Variants in BTNL8 observed in about 807,000 individuals in gnomAD.
BTNL8 encodes butyrophilin-like protein 8.
Under a neutral mutation model 36.1 loss-of-function variants are expected in BTNL8, and 22 were observed. The ratio of observed to expected loss-of-function variants is 0.61; its 90% confidence interval spans 0.44 to 0.87. The LOEUF is 0.87. Among genes scored for constraint, BTNL8 ranks in the 40% least tolerant of loss-of-function variants. BTNL8 has a pLI of 0.00. For synonymous variants in BTNL8, 203 were observed against 235.6 expected (o/e 0.86, Z 1.27); for missense variants, 526 against 616.9 (o/e 0.85, Z 1.56).
Position 180,950,562 on chromosome 5 carries a change from ATTC to A in BTNL8, c.*24_*26del. The A allele has an allele frequency of 6.9e-7, 1 of 1,458,618 alleles. No individual in the cohort carries two copies. Among genetic ancestry groups the A allele is most frequent in the Non-Finnish European group, 9.5e-7 (1 of 1,058,102 alleles). The allele number at this position is 1,458,618 out of a possible 1,614,324, so 90.4% of individuals were successfully genotyped here. A position where few individuals can be genotyped will look rare whatever the true frequency, so the allele number is the denominator to read the frequency against. On this transcript the variant is annotated 3_prime_UTR_variant, in exon 8 of 8. Transcript: ENST00000340184. ...AAATGTAGGATGAATCACATCCCAC[ATTC>A]TTCTTTAGGGATATTAAGGTCTCTC...
intron 3 of BTNL8, among the ~76,000 whole-genome samples, chr5:180,939,421 A>C (rs1368316158): frequency 1.3e-5 from 2 of 152,214 alleles, no homozygotes; most frequent in African/African-American, 4.8e-5. Context: ...ATATTAGATA[A>C]GATAGATTTT....
At chr5:180,900,647 AACCTG>A (rs1388133413) in intron 1 of BTNL8, among the ~76,000 whole-genome samples, 3 of 152,192 alleles carry the variant, frequency 2.0e-5, no homozygotes, top group African/African-American at 7.2e-5. Flanking sequence ...TGGGTCCCCA[AACCTG>A]ACCTAAGACA....
At chr5:180,932,664 T>C (rs1758451875) in intron 3 of BTNL8, among the ~76,000 whole-genome samples, 1 of 152,130 alleles carries the variant, frequency 6.6e-6, no homozygotes, top group African/African-American at 2.4e-5. Flanking sequence ...TAAGTATAAT[T>C]TTTAAAAAGC....
chr5:180,941,469 C>CA (rs1213207330), intron 3 of BTNL8, among the ~76,000 whole-genome samples: 1 of 152,040 alleles, frequency 6.6e-6, no homozygotes, highest in African/African-American at 2.4e-5. Context: ...ATCCTGATGC[C>CA]AAAATCAGAA....
chr5:180,926,792 G>A (rs1436144949), intron 3 of BTNL8, among the ~76,000 whole-genome samples: 1 of 152,194 alleles, frequency 6.6e-6, no homozygotes, highest in Non-Finnish European at 1.5e-5. Context: ...TCTGGGCAGG[G>A]CATCTCTGAA....
At chr5:180,902,986 C>T (rs1201764092) in intron 1 of BTNL8, among the ~76,000 whole-genome samples, 4 of 118,146 alleles carry the variant, frequency 3.4e-5, no homozygotes, top group Middle Eastern at 3.5e-3. Flanking sequence ...AATAAACATA[C>T]GTGTGCATGT....
chr5:180,947,456 T>A, intron 3 of BTNL8, 56 bp from the exon 4 acceptor site: 1 of 1,592,156 alleles, frequency 6.3e-7, no homozygotes, highest in Non-Finnish European at 8.6e-7. Context: ...TAAAGAAGAA[T>A]TGAATTGTGT....
rs1231045082 is a variant in BTNL8 at position 180,909,655 on chromosome 5, G to A, written c.397+722G>A. The A allele has an allele frequency of 1.3e-5, 12 of 914,810 alleles. No homozygotes were observed. In the African/African-American group the frequency reaches 2.0e-4, roughly 15 times the overall value. 56.7% of individuals were successfully genotyped at this position (914,810 alleles called of 1,614,324 possible). ...AACACCTTGAGAGGCTGAGACAGGAGGATTGCTTGAGTCCAGGAGCTCGAG... is the reference window on the plus strand; with the variant it reads ...AACACCTTGAGAGGCTGAGACAGGAAGATTGCTTGAGTCCAGGAGCTCGAG... On this transcript the variant is annotated intron_variant, in intron 2 of 7. Transcript: ENST00000340184.
chr5:180,929,702 T>C (rs552021273), intron 3 of BTNL8, among the ~76,000 whole-genome samples: 1 of 152,254 alleles, frequency 6.6e-6, no homozygotes, highest in East Asian at 1.9e-4. Flanking sequence ...ACAAATAAAC[T>C]AGAAAATCTA....
intron 3 of BTNL8, among the ~76,000 whole-genome samples, chr5:180,912,887 G>A (rs1340373887): frequency 6.6e-6 from 1 of 152,058 alleles, no homozygotes; most frequent in Non-Finnish European, 1.5e-5. Flanking sequence ...GAAAAAGTGA[G>A]GAAAGTGATG....
chr5:180,914,650 C>T (rs1757543584), intron 3 of BTNL8, among the ~76,000 whole-genome samples: 1 of 152,184 alleles, frequency 6.6e-6, no homozygotes, highest in Non-Finnish European at 1.5e-5. Flanking sequence ...TGAAACTATA[C>T]ATACAAACTA....
rs138747677 is a variant in BTNL8 at position 180,913,060 on chromosome 5, C to T, written c.673+1446C>T. 4.1e-3 allele frequency among the ~76,000 whole-genome samples: 621 copies of T among 152,126 alleles called. 2 individuals are homozygous for T. Among genetic ancestry groups the T allele is most frequent in the Non-Finnish European group, 5.9e-3 (401 of 68,000 alleles). On this transcript the variant is annotated intron_variant, in intron 3 of 7. Transcript: ENST00000340184. Reference sequence around the variant, plus strand: ...AGAACTCATTCTGTGACTGGCTGAACGACAATGGAAATCCAAACCTGTTCC... The same window carrying T: ...AGAACTCATTCTGTGACTGGCTGAATGACAATGGAAATCCAAACCTGTTCC...
Position 180,948,202 on chromosome 5 carries a change from T to C in BTNL8, c.788-153T>C, listed in dbSNP as rs1441113386. 5.9e-6 allele frequency: 7 copies of C among 1,182,788 alleles called. No individual in the cohort carries two copies. In the Admixed American group the frequency reaches 1.0e-4, roughly 17 times the overall value. The allele number at this position is 1,182,788 out of a possible 1,614,324, so 73.3% of individuals were successfully genotyped here. A position where few individuals can be genotyped will look rare whatever the true frequency, so the allele number is the denominator to read the frequency against. On this transcript the variant is annotated intron_variant, in intron 4 of 7. Coordinates refer to ENST00000340184, the MANE Select transcript of BTNL8 (RefSeq NM_001040462.3). The stretch of plus-strand genomic sequence containing the variant: ...CTCCACCCCAGAGAGCCACACTCCG[T>C]GCAGGAGCTGGGGAGACGAGCACAT...
intron 7 of BTNL8, 157 bp downstream of exon 7, chr5:180,949,422 T>G: frequency 8.8e-7 from 1 of 1,134,914 alleles, no homozygotes; most frequent in Non-Finnish European, 1.3e-6. Flanking sequence ...AAGGGTTCAG[T>G]GCCCCCAGAC....
Position 180,899,203 on chromosome 5 carries a change from G to T in BTNL8, c.-108G>T. 1.5e-6 allele frequency: 2 copies of T among 1,354,562 alleles called. No individual in the cohort carries two copies. Among genetic ancestry groups the T allele is most frequent in the Non-Finnish European group, 2.1e-6 (2 of 951,860 alleles). The allele number at this position is 1,354,562 out of a possible 1,614,324, so 83.9% of individuals were successfully genotyped here. A position where few individuals can be genotyped will look rare whatever the true frequency, so the allele number is the denominator to read the frequency against. ...TCCGCTCACGCAGAGCCTCTCCGTGGCTTCCGCACCTTGAGCATTAGGCCA... is the reference window on the plus strand; with the variant it reads ...TCCGCTCACGCAGAGCCTCTCCGTGTCTTCCGCACCTTGAGCATTAGGCCA... On this transcript the variant is annotated 5_prime_UTR_variant, in exon 1 of 8. Coordinates refer to ENST00000340184, the MANE Select transcript of BTNL8 (RefSeq NM_001040462.3).
intron 3 of BTNL8, among the ~76,000 whole-genome samples, chr5:180,927,056 C>T (rs542135302): frequency 6.6e-5 from 10 of 152,334 alleles, no homozygotes; most frequent in Admixed American, 1.3e-4. Context: ...GGTCGACAGA[C>T]GCCTCATACA....
chr5:180,899,306 C>T lies in BTNL8; in HGVS notation c.-5C>T, dbSNP rs781184810. The T allele has an allele frequency of 2.5e-6, 4 of 1,614,042 alleles. No individual in the cohort carries two copies. In the East Asian group the frequency reaches 8.9e-5, roughly 36 times the overall value. On this transcript the variant is annotated 5_prime_UTR_variant, in exon 1 of 8. Transcript: ENST00000340184. The stretch of plus-strand genomic sequence containing the variant: ...TGCCGTGAGGTCCATTCACAGAACA[C>T]ATCCATGGCTCTCATGCTCAGTTTG...
At chr5:180,938,552 T>C (rs1005959846) in intron 3 of BTNL8, among the ~76,000 whole-genome samples, 2 of 151,380 alleles carry the variant, frequency 1.3e-5, no homozygotes, top group Non-Finnish European at 2.9e-5. Context: ...TTCTTTTTTT[T>C]TTTTTTGATG....
chr5:180,903,454 T>C (rs1160465690), intron 1 of BTNL8, among the ~76,000 whole-genome samples: 184 of 90,382 alleles, frequency 2.0e-3, no homozygotes, highest in Non-Finnish European at 2.7e-3. Context: ...GTTGCGAAAA[T>C]TTTCTCCCAT....
Sources: gnomAD v4.1 joint callset for allele counts (sites outside exome capture counted in the v4.1 genomes callset) on GRCh38, gnomAD v4.1.1 for gene constraint, MANE v1.5 for transcripts, NCBI Gene and HGNC (gene_info 2026-07-23, HGNC 2026-07-21) for gene names.